The following DOCK8 variants were observed in gnomAD, a reference collection of about 807,000 sequenced individuals.
The protein encoded by DOCK8 is dedicator of cytokinesis 8.
In DOCK8, 141 loss-of-function variants were observed where a neutral mutation model predicts 245.6. The observed-to-expected ratio is 0.57, with a 90% confidence interval of 0.50 to 0.66. The LOEUF (loss-of-function observed/expected upper bound fraction) is 0.66, where lower values mean the gene tolerates loss of function less well. Among genes scored for constraint, DOCK8 ranks in the 30% least tolerant of loss-of-function variants. The pLI is 0.00. For missense variants in DOCK8, 2,965 were observed against 2,603.4 expected (o/e 1.14, Z -3.02); for synonymous variants, 1,168 against 970.2 (o/e 1.20, Z -3.79).
rs531669309 is a variant in DOCK8 at position 407,554 on chromosome 9, C to T, written c.3530+485C>T. ...GCCAAGAGACACCACACATCCAGGG[C>T]TTCTGAATCCTTTTACCTCTTATCT... is the stretch of plus-strand genomic sequence containing the variant. On this transcript the variant is annotated intron_variant, in intron 28 of 47. Coordinates refer to ENST00000432829, the MANE Select transcript of DOCK8 (RefSeq NM_203447.4). Among the ~76,000 whole-genome samples the T allele has an allele frequency of 3.7e-3, 570 of 152,268 alleles. 5 individuals are homozygous for T. Among genetic ancestry groups the T allele is most frequent in the African/African-American group, 0.013 (530 of 41,546 alleles).
intron 26 of DOCK8, among the ~76,000 whole-genome samples, chr9:400,175 T>TCACCACCAC (rs1332921633): frequency 2.5e-5 from 1 of 39,224 alleles, no homozygotes; most frequent in Non-Finnish European, 5.3e-5. Context: ...ACCTCCACCA[T>TCACCACCAC]CACCACCTCC....
At chr9:349,193 C>T (rs1015869552) in intron 14 of DOCK8, among the ~76,000 whole-genome samples, 11 of 152,108 alleles carry the variant, frequency 7.2e-5, no homozygotes, top group Admixed American at 1.3e-4. Context: ...GTTTTGACAG[C>T]GTAATAAGGT....
chr9:455,694 C>G (rs762734146), intron 46 of DOCK8, among the ~76,000 whole-genome samples: 23 of 152,080 alleles, frequency 1.5e-4, no homozygotes, highest in Admixed American at 5.2e-4. Context: ...ACCTCTCCCT[C>G]CTTCCCTGAG....
At chr9:457,639 A>G (rs1039459381) in intron 46 of DOCK8, among the ~76,000 whole-genome samples, 14 of 152,344 alleles carry the variant, frequency 9.2e-5, no homozygotes, top group Admixed American at 3.3e-4. Flanking sequence ...TCCCACAGGT[A>G]TGTGACTGGA....
chr9:211,470 A>G (rs1305255561), upstream of DOCK8, among the ~76,000 whole-genome samples: 1 of 152,162 alleles, frequency 6.6e-6, no homozygotes, highest in Non-Finnish European at 1.5e-5. Flanking sequence ...CTAGTGATAG[A>G]AACAGATGAG....
At chr9:252,279 G>C (rs545497054) in intron 1 of DOCK8, among the ~76,000 whole-genome samples, 1 of 151,924 alleles carries the variant, frequency 6.6e-6, no homozygotes, top group South Asian at 2.1e-4. Flanking sequence ...AGCCCCAAGG[G>C]AATTCTTACA....
At chr9:299,253 A>T (rs1438125896) in intron 4 of DOCK8, among the ~76,000 whole-genome samples, 1 of 152,148 alleles carries the variant, frequency 6.6e-6, no homozygotes, top group Non-Finnish European at 1.5e-5. Flanking sequence ...CAGCACACAC[A>T]GATATGTTGT....
chr9:310,768 A>G (rs1210483595), intron 5 of DOCK8, among the ~76,000 whole-genome samples: 2 of 152,322 alleles, frequency 1.3e-5, no homozygotes, highest in East Asian at 1.9e-4. Flanking sequence ...AAAATAGTAC[A>G]TTATTACAGA....
At chr9:314,537 A>G (rs939896354) in intron 6 of DOCK8, 24 of 152,220 alleles carry the variant, frequency 1.6e-4, no homozygotes, top group Middle Eastern at 3.2e-3. Context: ...ACTGAATGTT[A>G]TAATCTGGGA....
At chr9:387,703 G>GA (rs1344734153) in intron 23 of DOCK8, among the ~76,000 whole-genome samples, 1 of 152,062 alleles carries the variant, frequency 6.6e-6, no homozygotes, top group Admixed American at 6.5e-5. Flanking sequence ...AAGGAAAAGT[G>GA]AAAAAAGATA....
rs909349376 is a variant in DOCK8 at position 454,096 on chromosome 9, T to G, written c.6068+1979T>G. Among the ~76,000 whole-genome samples the G allele has an allele frequency of 5.1e-4, 77 of 152,194 alleles. 1 individual carries two copies. Among genetic ancestry groups the G allele is most frequent in the Non-Finnish European group, 1.2e-4 (8 of 68,038 alleles). On this transcript the variant is annotated intron_variant, in intron 46 of 47. Transcript: ENST00000432829. Reference sequence around the variant, plus strand: ...TAAAGATCAGAAAAGAGAAATCAGTTTCAGGCTGGAGCATTTGTGGGAGGC... The same window carrying G: ...TAAAGATCAGAAAAGAGAAATCAGTGTCAGGCTGGAGCATTTGTGGGAGGC...
chr9:344,080 ATCT>A (rs138896933), intron 14 of DOCK8, among the ~76,000 whole-genome samples: 2,682 of 152,314 alleles, frequency 0.018, 67 homozygotes, highest in African/African-American at 0.062. Flanking sequence ...TACAGAGTTA[ATCT>A]TCTTGAGCTG....
At chr9:267,243 C>T (rs1193827140) in intron 1 of DOCK8, among the ~76,000 whole-genome samples, 3 of 152,216 alleles carry the variant, frequency 2.0e-5, no homozygotes, top group East Asian at 3.8e-4. Flanking sequence ...CTCACTTTGT[C>T]ACCCAAGCTG....
At position 367,313 on chromosome 9, in the gene DOCK8, A is replaced by C. The variant is rs190774426; in HGVS notation, c.1680-705A>C. Reference sequence around the variant, plus strand: ...ACTCCTGTGTCCTAGGCACTGTTCTAGTGCTGGAGATACATCAGTGAATCA... The same window carrying C: ...ACTCCTGTGTCCTAGGCACTGTTCTCGTGCTGGAGATACATCAGTGAATCA... On this transcript the variant is annotated intron_variant, in intron 14 of 47. Transcript: ENST00000432829. Among the ~76,000 whole-genome samples the C allele has an allele frequency of 7.2e-5, 11 of 152,342 alleles. No individual in the cohort carries two copies. The East Asian group carries it at 2.1e-3, about 29-fold the overall frequency.
At position 418,338 on chromosome 9, in the gene DOCK8, C is replaced by G. The variant is rs1054014851; in HGVS notation, c.3840+131C>G. 4.8e-5 allele frequency: 59 copies of G among 1,239,458 alleles called. No homozygotes were observed. In the African/African-American group the frequency reaches 7.7e-4, roughly 16 times the overall value. 76.8% of individuals were successfully genotyped at this position (1,239,458 alleles called of 1,614,324 possible). On this transcript the variant is annotated intron_variant, in intron 30 of 47. Transcript: ENST00000432829. ...ACAGGCTGGAGTGCAGTGGCGCAAT[C>G]TCAGTTCACTGCAACCTCCGCCTCC... is the stretch of plus-strand genomic sequence containing the variant.
At chr9:256,875 G>A (rs572098) in intron 1 of DOCK8, among the ~76,000 whole-genome samples, 72,850 of 151,718 alleles carry the variant, frequency 0.48, 17,952 homozygotes, top group East Asian at 0.8. Flanking sequence ...CACACTCGAT[G>A]AATACTTGAA....
At chr9:436,617 AT>A (rs1304974094) in intron 39 of DOCK8, among the ~76,000 whole-genome samples, 1 of 152,098 alleles carries the variant, frequency 6.6e-6, no homozygotes, top group Non-Finnish European at 1.5e-5. Flanking sequence ...TACTGTTCTA[AT>A]TTTACCTAGA....
chr9:269,431 C>T (rs1336564), intron 1 of DOCK8, among the ~76,000 whole-genome samples: 1 of 151,804 alleles, frequency 6.6e-6, no homozygotes, highest in Non-Finnish European at 1.5e-5. Flanking sequence ...TGTGGATATA[C>T]AACTTTTTGT....
intron 23 of DOCK8, among the ~76,000 whole-genome samples, chr9:387,111 A>G (rs1174921415): frequency 6.6e-6 from 1 of 152,188 alleles, no homozygotes; most frequent in African/African-American, 2.4e-5. Flanking sequence ...CCATTATAGT[A>G]GCTACTTAAG....
Sources: gnomAD v4.1 joint callset for allele counts (sites outside exome capture counted in the v4.1 genomes callset) on GRCh38, gnomAD v4.1.1 for gene constraint, MANE v1.5 for transcripts, NCBI Gene and HGNC (gene_info 2026-07-23, HGNC 2026-07-21) for gene names.